Variants in CLMN observed in about 807,000 individuals in gnomAD.
The protein encoded by CLMN is calmin (calponin-like, transmembrane).
A neutral mutation model predicts 92.7 loss-of-function variants in CLMN; 57 were observed. That is an observed-to-expected ratio of 0.61 (90% CI 0.50 to 0.77). The LOEUF (loss-of-function observed/expected upper bound fraction) is 0.77. CLMN is among the 30% of genes least tolerant of loss of function. The pLI, the probability that CLMN is intolerant of heterozygous loss-of-function variation, is 0.00. For synonymous variants in CLMN, 466 were observed against 470.6 expected, an observed-to-expected ratio of 0.99 and a Z score of 0.13; for missense variants, 1,158 against 1,237.5, an observed-to-expected ratio of 0.94 and a Z score of 0.96.
chr14:95,267,482 GATATC>G (rs978722294), intron 1 of CLMN, among the ~76,000 whole-genome samples: 3 of 152,182 alleles, frequency 2.0e-5, no homozygotes, highest in African/African-American at 7.2e-5. Flanking sequence ...ACCACAGTGA[GATATC>G]ATCTCACCCC....
intron 8 of CLMN, among the ~76,000 whole-genome samples, chr14:95,207,773 C>A (rs994701769): frequency 7.9e-5 from 12 of 152,166 alleles, no homozygotes; most frequent in African/African-American, 2.7e-4. Context: ...GTATGTGGTG[C>A]AGGGACAGGC....
intron 1 of CLMN, among the ~76,000 whole-genome samples, chr14:95,293,416 C>CCT (rs1900681843): frequency 7.0e-6 from 1 of 143,546 alleles, no homozygotes; most frequent in Non-Finnish European, 1.5e-5. Context: ...TTCCTTCCTT[C>CCT]TCTCAATACC....
chr14:95,222,611 G>A, intron 3 of CLMN: 1 of 456,046 alleles, frequency 2.2e-6, no homozygotes, highest in Non-Finnish European at 4.4e-6. Flanking sequence ...TGGCAATAAA[G>A]TGGGGAGCCT....
At chr14:95,311,586 C>T (rs182958278) in intron 1 of CLMN, among the ~76,000 whole-genome samples, 9 of 152,290 alleles carry the variant, frequency 5.9e-5, no homozygotes, top group African/African-American at 2.2e-4. Flanking sequence ...CCACAATCTC[C>T]AAGAAGCACT....
chr14:95,261,982 C>T (rs1396590247), intron 1 of CLMN, among the ~76,000 whole-genome samples: 1 of 152,262 alleles, frequency 6.6e-6, no homozygotes, highest in Non-Finnish European at 1.5e-5. Flanking sequence ...GGCAGCTTGG[C>T]TCTGGGCTCA....
chr14:95,213,650 T>C (rs1380608944), intron 5 of CLMN, among the ~76,000 whole-genome samples: 1 of 152,102 alleles, frequency 6.6e-6, no homozygotes, highest in African/African-American at 2.4e-5. Context: ...GGACCGTCTT[T>C]TCCTGGAGTC....
At chr14:95,309,989 G>A (rs779180664) in intron 1 of CLMN, among the ~76,000 whole-genome samples, 15 of 152,292 alleles carry the variant, frequency 9.8e-5, no homozygotes, top group Non-Finnish European at 1.9e-4. Context: ...GTTCCTTCTC[G>A]AGATTCCAGA....
intron 1 of CLMN, among the ~76,000 whole-genome samples, chr14:95,234,563 G>A (rs947606780): frequency 3.9e-5 from 6 of 152,356 alleles, no homozygotes; most frequent in East Asian, 3.9e-4. Context: ...AATGGGCAAG[G>A]ATAGAGTCAT....
chr14:95,212,934 C>T (rs947247614), intron 6 of CLMN, among the ~76,000 whole-genome samples: 3 of 151,988 alleles, frequency 2.0e-5, no homozygotes, highest in East Asian at 1.9e-4. Flanking sequence ...TACAGGTGCC[C>T]GCCACCACGC....
Position 95,191,942 on chromosome 14 carries a change from G to A in CLMN, c.2841-210C>T, listed in dbSNP as rs751878695. On this transcript the variant is annotated intron_variant, in intron 12 of 12. Coordinates refer to ENST00000298912, the MANE Select transcript of CLMN (RefSeq NM_024734.4). The surrounding 1 kb of genome is among the most constrained non-coding windows in gnomAD (Gnocchi z 5.3). ...CAGGCAGCCCCTCGAGCTTTTGCAC[G>A]TACTCCGTTCATCTCCATAACATCA... 1.1e-4 allele frequency: 52 copies of A among 474,438 alleles called. No homozygotes were observed. The highest frequency in any genetic ancestry group is 1.6e-4 in the Non-Finnish European group (43 of 267,796). The allele number at this position is 474,438 out of a possible 1,614,324, so 29.4% of individuals were successfully genotyped here.
At chr14:95,195,806 C>T (rs1459171607) in intron 10 of CLMN, among the ~76,000 whole-genome samples, 1 of 37,146 alleles carries the variant, frequency 2.7e-5, no homozygotes, top group Non-Finnish European at 1.0e-4. Flanking sequence ...ACTATTGTGA[C>T]GATGAGAGAG....
chr14:95,267,488 A>G (rs1244754973), intron 1 of CLMN, among the ~76,000 whole-genome samples: 1 of 152,224 alleles, frequency 6.6e-6, no homozygotes, highest in East Asian at 1.9e-4. Flanking sequence ...GTGAGATATC[A>G]TCTCACCCCA....
chr14:95,270,415 C>T (rs959607466), intron 1 of CLMN, among the ~76,000 whole-genome samples: 8 of 152,134 alleles, frequency 5.3e-5, no homozygotes, highest in Admixed American at 2.0e-4. Context: ...AAAATACATT[C>T]GATTACCCAT....
intron 4 of CLMN, among the ~76,000 whole-genome samples, chr14:95,219,548 G>A (rs1897460890): frequency 6.6e-6 from 1 of 152,154 alleles, no homozygotes. Flanking sequence ...AAGTCATTTA[G>A]CCCCAAAAAC....
chr14:95,203,360 T>C lies in CLMN; in HGVS notation c.1989A>G (p.Arg663=), dbSNP rs758453512. The change falls in exon 9 of 13, where the codon AGA becomes AGG. Residue 663 remains arginine (R), a synonymous_variant. Transcript: ENST00000298912. ...CCTCATAATGAGGACGGGTGGACTT[T>C]CTCTTGGCCTTTTCATGCACCTCTG... ...KKPEVHEKAK[R]KSTRPHYEEE... 1 of 1,614,070 alleles carries C rather than the reference T, an allele frequency of 6.2e-7. No individual in the cohort carries two copies. Among genetic ancestry groups the C allele is most frequent in the Non-Finnish European group, 8.5e-7 (1 of 1,180,010 alleles).
Position 95,187,664 on chromosome 14 carries a change from T to C in CLMN, c.*3900A>G, listed in dbSNP as rs1896471694. The C allele has an allele frequency of 6.6e-6, 1 of 152,308 alleles. No homozygotes were observed. Among genetic ancestry groups the C allele is most frequent in the Non-Finnish European group, 1.5e-5 (1 of 68,166 alleles). 9.4% of individuals were successfully genotyped at this position (152,308 alleles called of 1,614,324 possible). A position where few individuals can be genotyped will look rare whatever the true frequency, so the allele number is the denominator to read the frequency against. On this transcript the variant is annotated 3_prime_UTR_variant, in exon 13 of 13. Coordinates refer to ENST00000298912, the MANE Select transcript of CLMN (RefSeq NM_024734.4). ...CACAGCAAAGGTTGAAGCAACTTAATGAAAGTCTAAATACTCACGGGTGAT... is the reference window on the plus strand; with the variant it reads ...CACAGCAAAGGTTGAAGCAACTTAACGAAAGTCTAAATACTCACGGGTGAT...
intron 4 of CLMN, among the ~76,000 whole-genome samples, chr14:95,216,300 C>T (rs1897343543): frequency 2.6e-5 from 4 of 152,326 alleles, no homozygotes; most frequent in Non-Finnish European, 2.9e-5. Context: ...GATTCAATGA[C>T]CTCCCACCAG....
rs185789947 is a variant in CLMN at position 95,194,123 on chromosome 14, C to T, written c.2770-204G>A. The T allele has an allele frequency of 3.0e-5, 42 of 1,416,474 alleles. No homozygotes were observed. The highest frequency in any genetic ancestry group is 2.5e-4 in the African/African-American group (17 of 69,308). The allele number at this position is 1,416,474 out of a possible 1,614,324, so 87.7% of individuals were successfully genotyped here. On this transcript the variant is annotated intron_variant, in intron 11 of 12. Transcript: ENST00000298912. This position sits in a 1 kb window ranked among gnomAD's most constrained non-coding sequence, Gnocchi z 4.0. ...CCCCTAAGCCCCTCCCTTGTGAGTG[C>T]GAGAGACCCCACCACCCGGAACCCG...
In CLMN at chr14:95,189,418, A is replaced by G. The variant is rs912123505; in HGVS notation, c.*2146T>C. 1.7e-4 allele frequency: 26 copies of G among 152,228 alleles called. No homozygotes were observed. Among genetic ancestry groups the G allele is most frequent in the African/African-American group, 6.3e-4 (26 of 41,456 alleles). 9.4% of individuals were successfully genotyped at this position (152,228 alleles called of 1,614,324 possible). A position where few individuals can be genotyped will look rare whatever the true frequency, so the allele number is the denominator to read the frequency against. ...CTGCAGACTTCCACATCCATTTTCTATATCCAGCTTCTTCCATAGAAGCCT... is the reference window on the plus strand; with the variant it reads ...CTGCAGACTTCCACATCCATTTTCTGTATCCAGCTTCTTCCATAGAAGCCT... On this transcript the variant is annotated 3_prime_UTR_variant, in exon 13 of 13. Transcript: ENST00000298912.
Sources: allele counts gnomAD v4.1 joint callset (sites outside exome capture counted in the v4.1 genomes callset), GRCh38; gene constraint gnomAD v4.1.1; non-coding constraint Gnocchi (gnomAD v3.1); transcripts MANE v1.5; gene names NCBI Gene and HGNC (gene_info 2026-07-23, HGNC 2026-07-21).